Variants in LGSN observed in about 807,000 individuals in gnomAD.
LGSN encodes lengsin, lens protein with glutamine synthetase domain.
Under a neutral mutation model 19.5 loss-of-function variants are expected in LGSN, and 21 were observed. The observed-to-expected ratio is 1.07, with a 90% CI of 0.76 to 1.55. The LOEUF (loss-of-function observed/expected upper bound fraction) is 1.55. Among genes scored for constraint, LGSN ranks in the 40% most tolerant of loss-of-function variants. LGSN has a pLI of 0.00. For synonymous variants in LGSN, 257 were observed against 215.6 expected (o/e 1.19, Z -1.68); for missense variants, 673 against 608.5 (o/e 1.11, Z -1.12).
the LGSN span, among the ~76,000 whole-genome samples, chr6:63,377,147 C>G: frequency 3.3e-5 from 5 of 152,180 alleles, no homozygotes; most frequent in African/African-American, 1.2e-4. Context: ...GCTAAGGGAA[C>G]AGCCTGTCTT....
the LGSN span, among the ~76,000 whole-genome samples, chr6:63,435,015 T>C: frequency 6.6e-6 from 1 of 152,210 alleles, no homozygotes; most frequent in African/African-American, 2.4e-5. Context: ...AGGAGCAATA[T>C]GTACGCAATT....
At chr6:63,515,581 G>C in the LGSN span, among the ~76,000 whole-genome samples, 3 of 152,194 alleles carry the variant, frequency 2.0e-5, no homozygotes, top group Non-Finnish European at 4.4e-5. Context: ...GTTGAAAATT[G>C]TAAGCAACAT....
the LGSN span, among the ~76,000 whole-genome samples, chr6:63,490,512 G>A: frequency 1.3e-5 from 2 of 152,060 alleles, no homozygotes; most frequent in East Asian, 3.9e-4. Flanking sequence ...GAGTGCATTA[G>A]CCAGAGTTCT....
At chr6:63,423,796 G>T in the LGSN span, among the ~76,000 whole-genome samples, 1 of 152,134 alleles carries the variant, frequency 6.6e-6, no homozygotes, top group African/African-American at 2.4e-5. Flanking sequence ...CCAACACTTT[G>T]GGGGGCCGAG....
chr6:63,362,650 G>C, the LGSN span, among the ~76,000 whole-genome samples: 1 of 152,326 alleles, frequency 6.6e-6, no homozygotes, highest in Admixed American at 6.5e-5. Flanking sequence ...GGCTGGGGGA[G>C]GGGTATCCAC....
the LGSN span, among the ~76,000 whole-genome samples, chr6:63,327,775 C>G: frequency 6.6e-6 from 1 of 152,112 alleles, no homozygotes; most frequent in Non-Finnish European, 1.5e-5. Context: ...TCTCCTTTAT[C>G]TTTTCCTCTC....
chr6:63,486,483 G>C, the LGSN span, among the ~76,000 whole-genome samples: 2 of 152,072 alleles, frequency 1.3e-5, no homozygotes, highest in Non-Finnish European at 2.9e-5. Context: ...ATTACACATG[G>C]CACAGCCAAC....
the LGSN span, among the ~76,000 whole-genome samples, chr6:63,431,124 A>G: frequency 6.6e-6 from 1 of 152,198 alleles, no homozygotes; most frequent in Admixed American, 6.5e-5. Flanking sequence ...TGTGAGCCCT[A>G]TGAGTAAGGC....
the LGSN span, chr6:63,549,009 A>G: frequency 5.5e-6 from 4 of 728,970 alleles, no homozygotes; most frequent in Admixed American, 3.8e-5. Context: ...CAAGAAGACA[A>G]CCAGCTCGAT....
chr6:63,385,475 C>A, the LGSN span, among the ~76,000 whole-genome samples: 3 of 152,160 alleles, frequency 2.0e-5, no homozygotes, highest in Non-Finnish European at 4.4e-5. Flanking sequence ...CAAAATCATC[C>A]TATTGATACA....
chr6:63,489,417 G>A, the LGSN span, among the ~76,000 whole-genome samples: 1 of 152,160 alleles, frequency 6.6e-6, no homozygotes, highest in Admixed American at 6.5e-5. Context: ...TACTCAGGCT[G>A]GAGTGCAGTG....
the LGSN span, among the ~76,000 whole-genome samples, chr6:63,435,021 C>T: frequency 6.6e-6 from 1 of 152,162 alleles, no homozygotes; most frequent in African/African-American, 2.4e-5. Flanking sequence ...AATATGTACG[C>T]AATTAAGGGT....
At chr6:63,433,096 G>A in the LGSN span, among the ~76,000 whole-genome samples, 1 of 151,710 alleles carries the variant, frequency 6.6e-6, no homozygotes, top group Non-Finnish European at 1.5e-5. Flanking sequence ...TCTCTCCTAT[G>A]GTAAAATCCA....
upstream of LGSN, among the ~76,000 whole-genome samples, chr6:63,324,640 A>G (rs1179274933): frequency 1.3e-5 from 2 of 152,168 alleles, no homozygotes; most frequent in Non-Finnish European, 2.9e-5. Flanking sequence ...AATACATGCA[A>G]ATTAAACAAC....
chr6:63,432,198 GAAAA>G, the LGSN span, among the ~76,000 whole-genome samples: 3 of 29,444 alleles, frequency 1.0e-4, no homozygotes, highest in Non-Finnish European at 2.0e-4. Context: ...GAAAAGAAAA[GAAAA>G]GAAAAGAAAA....
At chr6:63,480,939 TGA>T in the LGSN span, among the ~76,000 whole-genome samples, 1 of 20,844 alleles carries the variant, frequency 4.8e-5, no homozygotes, top group Non-Finnish European at 1.3e-4. Context: ...ATAAAGAAAA[TGA>T]TATATATATA....
chr6:63,555,697 T>A, the LGSN span, among the ~76,000 whole-genome samples: 352 of 150,836 alleles, frequency 2.3e-3, 2 homozygotes, highest in Non-Finnish European at 3.7e-3. Flanking sequence ...ACACTCTTTT[T>A]TTTTTTTTTT....
At position 63,295,794 on chromosome 6, in the gene LGSN, G is replaced by C. The variant is rs75048824; in HGVS notation, c.31-749C>G. On this transcript the variant is annotated intron_variant, in intron 1 of 3. Coordinates refer to ENST00000370657, the MANE Select transcript of LGSN (RefSeq NM_016571.3). ...GCTCAGGAATCTCAGCACTAACAGT[G>C]CACAGAGTCACCCCTGCAGTCCCAA... Among the ~76,000 whole-genome samples, 5 of 152,184 alleles carry C rather than the reference G, an allele frequency of 3.3e-5. No individual in the cohort carries two copies. In the East Asian group the frequency reaches 9.7e-4, roughly 29 times the overall value.
chr6:63,363,037 A>C, the LGSN span, among the ~76,000 whole-genome samples: 1 of 152,186 alleles, frequency 6.6e-6, no homozygotes, highest in Non-Finnish European at 1.5e-5. Context: ...GCCGTTCTGC[A>C]ATATTTGCTC....
Sources: allele counts gnomAD v4.1 joint callset (sites outside exome capture counted in the v4.1 genomes callset), GRCh38; gene constraint gnomAD v4.1.1; transcripts MANE v1.5; gene names NCBI Gene and HGNC (gene_info 2026-07-23, HGNC 2026-07-21).